The following LARGE1 variants were observed in gnomAD, a reference collection of about 807,000 sequenced individuals.
LARGE1 encodes xylosyl- and glucuronyltransferase LARGE1.
Under a neutral mutation model 87.6 loss-of-function variants are expected in LARGE1, and 43 were observed. The ratio of observed to expected loss-of-function variants is 0.49; its 90% CI spans 0.38 to 0.63. The LOEUF (loss-of-function observed/expected upper bound fraction) is 0.63, where lower values mean the gene tolerates loss of function less well. LARGE1 is among the 30% of genes least tolerant of loss of function. The pLI is 0.00. For missense variants in LARGE1, 802 were observed against 1,000.2 expected (o/e 0.80, Z 2.67); for synonymous variants, 434 against 394.6 (o/e 1.10, Z -1.18).
At chr22:33,457,367 G>C (rs561597622) in intron 6 of LARGE1, among the ~76,000 whole-genome samples, 14 of 142,902 alleles carry the variant, frequency 9.8e-5, no homozygotes, top group African/African-American at 3.7e-4. Context: ...GGCCAGGCTG[G>C]TCTCGAACTC....
chr22:33,624,094 T>C lies in LARGE1; in HGVS notation c.491+2150A>G, dbSNP rs547223950. 1.6e-4 allele frequency among the ~76,000 whole-genome samples: 24 copies of C among 152,318 alleles called. No individual in the cohort carries two copies. The South Asian group carries it at 1.9e-3, about 12-fold the overall frequency. ...AACTGCTGACAATCACTCAGCAATA[T>C]AGTGTCATGAATGTGGAACTGAACT... is the stretch of plus-strand genomic sequence containing the variant. On this transcript the variant is annotated intron_variant, in intron 4 of 14. Transcript: ENST00000397394.
rs962133202 is a variant in LARGE1 at position 33,725,624 on chromosome 22, C to T, written c.106+35747G>A. 2.6e-5 allele frequency: 4 copies of T among 152,156 alleles called. No homozygotes were observed. In the East Asian group the frequency reaches 5.8e-4, roughly 22 times the overall value. The allele number at this position is 152,156 out of a possible 1,614,324, so 9.4% of individuals were successfully genotyped here. A position where few individuals can be genotyped will look rare whatever the true frequency, so the allele number is the denominator to read the frequency against. ...TTGCTAAATTTAGGTTGAAACAAAA[C>T]GTTCAAAGCCCCCTCGGAAGCCCAT... On this transcript the variant is annotated intron_variant, in intron 2 of 14. Transcript: ENST00000397394.
intron 7 of LARGE1, among the ~76,000 whole-genome samples, chr22:33,417,231 C>T (rs932759886): frequency 1.3e-5 from 2 of 152,096 alleles, no homozygotes; most frequent in African/African-American, 4.8e-5. Context: ...ACTCCTAATG[C>T]CAATCATGAT....
intron 6 of LARGE1, among the ~76,000 whole-genome samples, chr22:33,493,155 T>A (rs882106): frequency 1.6e-5 from 2 of 121,320 alleles, no homozygotes; most frequent in South Asian, 6.1e-4. Context: ...CATGGTGGCC[T>A]TTTTTTTTTT....
intron 2 of LARGE1, among the ~76,000 whole-genome samples, chr22:33,669,496 C>T (rs917441106): frequency 1.3e-5 from 2 of 152,198 alleles, no homozygotes; most frequent in Non-Finnish European, 2.9e-5. Flanking sequence ...AGAAAAGCCA[C>T]CTGAGTTCTT....
intron 2 of LARGE1, among the ~76,000 whole-genome samples, chr22:33,693,808 G>A (rs2082167174): frequency 6.6e-6 from 1 of 151,938 alleles, no homozygotes; most frequent in Non-Finnish European, 1.5e-5. Context: ...TGGGCAACGG[G>A]GCGAGACTCT....
intron 2 of LARGE1, among the ~76,000 whole-genome samples, chr22:33,687,780 C>T (rs1431332252): frequency 1.3e-5 from 2 of 152,202 alleles, no homozygotes; most frequent in East Asian, 3.9e-4. Context: ...ACCTGCTGTT[C>T]ACCAGGTAGG....
Position 33,650,538 on chromosome 22 carries a change from G to A in LARGE1, c.237C>T (p.Leu79=), listed in dbSNP as rs1442851403. The part of the protein sequence containing the change: ...MREVEEENRA[L]RRQLSLAQGR... ...CCTGGGCCAGGCTGAGCTGCCTGCG[G>A]AGGGCGCGGTTCTCCTCCTCCACCT... Residue 79 remains leucine, a synonymous_variant, in exon 3 of 15, where the codon CTC becomes CTT. Coordinates refer to ENST00000397394, the MANE Select transcript of LARGE1 (RefSeq NM_133642.5). 1.3e-5 allele frequency: 21 copies of A among 1,610,662 alleles called. No individual in the cohort carries two copies. Among genetic ancestry groups the A allele is most frequent in the Non-Finnish European group, 1.7e-6 (2 of 1,179,976 alleles).
chr22:33,717,745 G>A (rs2082954683), intron 2 of LARGE1, among the ~76,000 whole-genome samples: 3 of 152,170 alleles, frequency 2.0e-5, no homozygotes, highest in Admixed American at 2.0e-4. Context: ...AAAGAAACAA[G>A]GAATGAAGGA....
At chr22:33,921,666 C>G (rs2065953358), upstream of LARGE1, among the ~76,000 whole-genome samples, 1 of 152,104 alleles carries the variant, frequency 6.6e-6, no homozygotes, top group Non-Finnish European at 1.5e-5. The surrounding 1 kb of genome is among the most constrained non-coding windows in gnomAD (Gnocchi z 4.1). Context: ...TCCTCCACCC[C>G]AAACACACAC....
chr22:33,090,078 C>G, the LARGE1 span, among the ~76,000 whole-genome samples: 1 of 152,042 alleles, frequency 6.6e-6, no homozygotes, highest in Middle Eastern at 3.2e-3. Flanking sequence ...TGGTGGTGGG[C>G]ACCTGTAATC....
exon 12 of LARGE1, chr22:33,162,244 G>A (rs1035665695): frequency 6.6e-6 from 1 of 152,194 alleles, no homozygotes; most frequent in Non-Finnish European, 1.5e-5. Context: ...AAGAAAAGAG[G>A]TTTAATTGAC....
intron 12 of LARGE1, among the ~76,000 whole-genome samples, chr22:33,297,371 G>A (rs547196858): frequency 1.3e-5 from 2 of 152,144 alleles, no homozygotes; most frequent in Non-Finnish European, 2.9e-5. Context: ...CACTTTGAGA[G>A]GCAGAGATGG....
intron 11 of LARGE1, among the ~76,000 whole-genome samples, chr22:33,239,535 CTTT>C (rs71187254): frequency 3.1e-5 from 3 of 95,306 alleles, no homozygotes; most frequent in African/African-American, 1.2e-4. Context: ...TTTTTCTTTT[CTTT>C]TTTTTTTTTT....
the LARGE1 span, among the ~76,000 whole-genome samples, chr22:33,129,008 A>G: frequency 6.6e-6 from 1 of 152,238 alleles, no homozygotes; most frequent in Non-Finnish European, 1.5e-5. Flanking sequence ...ATGGGTTGAT[A>G]GGTGCAGCAA....
chr22:33,260,446 T>C lies in LARGE1; in HGVS notation c.1730+43783A>G, dbSNP rs545291194. On this transcript the variant is annotated intron_variant, in intron 11 of 11. Transcript: ENST00000608642. ...CATGGGCTTTGGGGTCTGGCTGACCTGAGCTGACAGCTCCACTGTGCCCCT... is the reference window on the plus strand; with the variant it reads ...CATGGGCTTTGGGGTCTGGCTGACCCGAGCTGACAGCTCCACTGTGCCCCT... 1.5e-4 allele frequency among the ~76,000 whole-genome samples: 23 copies of C among 152,376 alleles called. No individual in the cohort carries two copies. The South Asian group carries it at 4.8e-3, about 32-fold the overall frequency.
intron 1 of LARGE1, among the ~76,000 whole-genome samples, chr22:33,891,279 A>G (rs1426028821): frequency 6.6e-6 from 1 of 152,236 alleles, no homozygotes; most frequent in Non-Finnish European, 1.5e-5. Context: ...TTTGTTTTAT[A>G]TGAATTAGTC....
chr22:33,342,935 T>C (rs1939323994), intron 9 of LARGE1, among the ~76,000 whole-genome samples: 1 of 152,224 alleles, frequency 6.6e-6, no homozygotes, highest in African/African-American at 2.4e-5. Context: ...TTTTTAATCA[T>C]CAGGACATAG....
chr22:33,917,374 G>T (rs1261363587), intron 1 of LARGE1, among the ~76,000 whole-genome samples: 1 of 152,196 alleles, frequency 6.6e-6, no homozygotes. Context: ...CAATTCTGCT[G>T]GAAGGGCTGT....
Sources: allele counts gnomAD v4.1 joint callset (sites outside exome capture counted in the v4.1 genomes callset), GRCh38; gene constraint gnomAD v4.1.1; non-coding constraint Gnocchi (gnomAD v3.1); transcripts MANE v1.5; gene names NCBI Gene and HGNC (gene_info 2026-07-23, HGNC 2026-07-21).